Variants in KIR2DL4 observed in about 807,000 individuals in gnomAD.
The protein encoded by KIR2DL4 is killer cell immunoglobulin-like receptor 2DL4.
Under a neutral mutation model 31.0 loss-of-function variants are expected in KIR2DL4, and 41 were observed. That is an observed-to-expected ratio of 1.32 (90% CI 1.03 to 1.72). The LOEUF (loss-of-function observed/expected upper bound fraction) is 1.72, where lower values mean the gene tolerates loss of function less well. Ranked by LOEUF, KIR2DL4 falls within the 40% of genes most tolerant of loss-of-function variation. The pLI, the probability that KIR2DL4 is intolerant of heterozygous loss-of-function variation, is 0.00. For synonymous variants in KIR2DL4, 164 were observed against 133.6 expected (o/e 1.23, Z -1.57); for missense variants, 438 against 353.7 (o/e 1.24, Z -1.91).
intron 4 of KIR2DL4, 121 bp from the exon 5 acceptor site, chr19:54,808,712 A>T: frequency 1.3e-6 from 1 of 795,028 alleles, no homozygotes; most frequent in Non-Finnish European, 2.2e-6. Flanking sequence ...ATGGGATGCC[A>T]GGACTCCCAG....
chr19:54,813,387 G>C, intron 6 of KIR2DL4: 1 of 1,109,232 alleles, frequency 9.0e-7, no homozygotes, highest in African/African-American at 1.7e-5. Flanking sequence ...CCCTGCCCCT[G>C]CCTTCAGCTC....
In KIR2DL4 at chr19:54,813,747, G is replaced by T. The variant is rs369581333; in HGVS notation, c.*41+5G>T. The T allele has an allele frequency of 2.5e-6, 4 of 1,611,650 alleles. No individual in the cohort carries two copies. The highest frequency in any genetic ancestry group is 3.4e-6 in the Non-Finnish European group (4 of 1,179,428). ...CACAGAACAGTGAACAGGGAGGTAG[G>T]TCCTCCTAGCCCAGCCTCATGGATA... On this transcript the variant is annotated splice_donor_5th_base_variant and intron_variant, in intron 7 of 7. Transcript: ENST00000359085.
chr19:54,805,917 A>G, intron 3 of KIR2DL4, 34 bp from the exon 4 acceptor site: 4 of 1,562,454 alleles, frequency 2.6e-6, no homozygotes, highest in Non-Finnish European at 3.5e-6. Context: ...ACAAGGAAGA[A>G]CCTCCCTGAG....
At chr19:54,813,707 C>T in exon 7 of KIR2DL4, 1 of 1,611,992 alleles carries the variant, frequency 6.2e-7, no homozygotes, top group Non-Finnish European at 8.5e-7. Context: ...TGTAATGAAC[C>T]AAGAGCCTGC....
chr19:54,814,463 A>AT (rs1203335929), exon 8 of KIR2DL4: 29 of 302,068 alleles, frequency 9.6e-5, no homozygotes, highest in Non-Finnish European at 1.7e-4. Context: ...ACCTTATAAA[A>AT]TTTTTTTGAT....
In KIR2DL4 at chr19:54,804,715, G is replaced by A. The variant is rs367959035; in HGVS notation, c.77-78G>A. ...GTAGGAGCCTTAGAAAGAAGAAATGGGGAGAATCTTCTGAGCACAGGGAGG... is the reference window on the plus strand; with the variant it reads ...GTAGGAGCCTTAGAAAGAAGAAATGAGGAGAATCTTCTGAGCACAGGGAGG... On this transcript the variant is annotated intron_variant, in intron 2 of 7. Transcript: ENST00000359085. 307 of 1,456,034 alleles carry A rather than the reference G, an allele frequency of 2.1e-4. 8 individuals are homozygous for A. In the African/African-American group the frequency reaches 3.7e-3, roughly 17 times the overall value. The allele number at this position is 1,456,034 out of a possible 1,614,324, so 90.2% of individuals were successfully genotyped here.
At chr19:54,809,689 G>A (rs1194851205) in intron 5 of KIR2DL4, among the ~76,000 whole-genome samples, 19 of 151,078 alleles carry the variant, frequency 1.3e-4, no homozygotes, top group Admixed American at 6.6e-4. Context: ...CCTCTCACAC[G>A]GCATCACTCA....
exon 6 of KIR2DL4, chr19:54,813,219 C>CAAA: frequency 7.1e-6 from 10 of 1,399,808 alleles, no homozygotes; most frequent in South Asian, 2.6e-5. Context: ...GCTGGTGCTC[C>CAAA]AAAAAAAAAG....
At chr19:54,811,997 T>C (rs1456377281) in intron 5 of KIR2DL4, among the ~76,000 whole-genome samples, 1 of 151,376 alleles carries the variant, frequency 6.6e-6, no homozygotes, top group Admixed American at 6.6e-5. Context: ...GATTTCAATG[T>C]CACTGTTTTT....
Position 54,814,307 on chromosome 19 carries a change from G to C in KIR2DL4, c.*507G>C, listed in dbSNP as rs1451704730. The C allele has an allele frequency of 1.9e-5, 12 of 621,066 alleles. 1 individual carries two copies. The African/African-American group carries it at 2.1e-4, about 11-fold the overall frequency. The allele number at this position is 621,066 out of a possible 1,614,324, so 38.5% of individuals were successfully genotyped here. On this transcript the variant is annotated 3_prime_UTR_variant, in exon 8 of 8. Coordinates refer to ENST00000359085, the Ensembl canonical transcript of KIR2DL4. Reference sequence around the variant, plus strand: ...AACTGGCTTACTTCCTAGTCTACTTGAGGCTGCAATCACACTGAGGAACTC... The same window carrying C: ...AACTGGCTTACTTCCTAGTCTACTTCAGGCTGCAATCACACTGAGGAACTC...
chr19:54,813,065 AC>A, intron 5 of KIR2DL4: 1 of 1,274,568 alleles, frequency 7.8e-7, no homozygotes, highest in Non-Finnish European at 1.1e-6. Context: ...GAAATGAGAG[AC>A]AATCCACAAA....
chr19:54,813,195 C>A, exon 6 of KIR2DL4: 1 of 1,535,528 alleles, frequency 6.5e-7, no homozygotes, highest in African/African-American at 1.8e-5. Context: ...TCCTTCCCTT[C>A]TTTCTCCTTC....
exon 4 of KIR2DL4, chr19:54,806,016 A>T: frequency 6.2e-7 from 1 of 1,610,996 alleles, no homozygotes; most frequent in Non-Finnish European, 8.5e-7. Context: ...AGAGAACGTG[A>T]CCTTGTCCTG....
At chr19:54,813,234 C>G in intron 6 of KIR2DL4, 1 of 1,546,562 alleles carries the variant, frequency 6.5e-7, no homozygotes, top group Non-Finnish European at 8.7e-7. Flanking sequence ...AAAAAGTAAG[C>G]CTCACGAAGC....
exon 8 of KIR2DL4, chr19:54,813,943 A>G (rs2061045843): frequency 1.2e-6 from 2 of 1,612,190 alleles, no homozygotes; most frequent in Non-Finnish European, 8.5e-7. Context: ...GGAGCAAGAG[A>G]CCCTCAACAG....
intron 7 of KIR2DL4, 31 bp downstream of exon 6, chr19:54,813,773 C>T (rs1490404421): frequency 6.2e-7 from 1 of 1,610,600 alleles, no homozygotes; most frequent in Non-Finnish European, 8.5e-7. Flanking sequence ...CTCATGGATA[C>T]AGTCTTATTC....
At chr19:54,812,132 T>TGG (rs2060900067) in intron 5 of KIR2DL4, among the ~76,000 whole-genome samples, 1 of 151,050 alleles carries the variant, frequency 6.6e-6, no homozygotes, top group African/African-American at 2.5e-5. Flanking sequence ...ACACCTCCCA[T>TGG]ACTGCACCTG....
intron 4 of KIR2DL4, among the ~76,000 whole-genome samples, chr19:54,806,923 G>A (rs1181540315): frequency 6.6e-6 from 1 of 150,990 alleles, no homozygotes; most frequent in Non-Finnish European, 1.5e-5. Context: ...GCTGAGGCGG[G>A]AGAGTGGCTT....
intron 5 of KIR2DL4, among the ~76,000 whole-genome samples, chr19:54,812,465 G>A (rs1214168718): frequency 7.9e-5 from 12 of 151,272 alleles, no homozygotes; most frequent in South Asian, 2.1e-4. Context: ...GTTCTGAGAC[G>A]TTCCTCCTGA....
Sources: allele counts gnomAD v4.1 joint callset (sites outside exome capture counted in the v4.1 genomes callset), GRCh38; gene constraint gnomAD v4.1.1; transcripts MANE v1.5; gene names NCBI Gene and HGNC (gene_info 2026-07-23, HGNC 2026-07-21).